CALN1: variants seen among roughly 807,000 people sequenced by gnomAD.
CALN1 encodes calneuron 1.
In CALN1, 17 loss-of-function variants were observed where a neutral mutation model predicts 30.6. That is an observed-to-expected ratio of 0.56 (90% CI 0.38 to 0.83). The LOEUF (loss-of-function observed/expected upper bound fraction) is 0.83, where lower values mean the gene tolerates loss of function less well. Ranked by LOEUF, CALN1 falls within the 40% of genes least tolerant of loss-of-function variation. The probability of loss-of-function intolerance (pLI) is 0.00; values close to 1 mark genes in which losing one functional copy is unlikely to be tolerated. For missense variants in CALN1, 291 were observed against 354.9 expected, an observed-to-expected ratio of 0.82 and a Z score of 1.45; for synonymous variants, 156 against 131.4, an observed-to-expected ratio of 1.19 and a Z score of -1.28.
At chr7:72,101,823 G>A (rs1318908657) in intron 4 of CALN1, among the ~76,000 whole-genome samples, 2 of 151,992 alleles carry the variant, frequency 1.3e-5, no homozygotes, top group Non-Finnish European at 2.9e-5. Flanking sequence ...TGCTCAACCT[G>A]GGCACGCCAA....
chr7:72,319,542 A>G (rs1407033574), intron 2 of CALN1, among the ~76,000 whole-genome samples: 3 of 152,224 alleles, frequency 2.0e-5, no homozygotes, highest in African/African-American at 7.2e-5. Context: ...CAGCCAAACC[A>G]TATCATATAC....
At chr7:72,396,246 A>G (rs1309790479) in intron 2 of CALN1, among the ~76,000 whole-genome samples, 1 of 99,192 alleles carries the variant, frequency 1.0e-5, no homozygotes, top group African/African-American at 5.9e-5. Flanking sequence ...AAAAAAAAAA[A>G]AAAAAAAAAA....
At chr7:71,915,960 C>T (rs112164399) in intron 5 of CALN1, among the ~76,000 whole-genome samples, 59 of 152,276 alleles carry the variant, frequency 3.9e-4, no homozygotes, top group Middle Eastern at 3.4e-3. Context: ...CAAGCCCCAC[C>T]GTTTCTGGAA....
chr7:72,298,379 A>G (rs1799014275), intron 2 of CALN1, among the ~76,000 whole-genome samples: 1 of 152,216 alleles, frequency 6.6e-6, no homozygotes, highest in African/African-American at 2.4e-5. Context: ...AGAGATCTAC[A>G]TTTTAAATTG....
At chr7:72,076,611 C>CAAAAAAAAAAAAAAAAA (rs572245834) in intron 4 of CALN1, among the ~76,000 whole-genome samples, 149 of 6,126 alleles carry the variant, frequency 0.024, 71 homozygotes, top group Admixed American at 0.036. Flanking sequence ...AAAAAAAAAG[C>CAAAAAAAAAAAAAAAAA]AAAAAAAAAA....
chr7:71,825,871 A>G (rs1788879267), intron 5 of CALN1, among the ~76,000 whole-genome samples: 2 of 151,850 alleles, frequency 1.3e-5, no homozygotes, highest in African/African-American at 4.8e-5. Flanking sequence ...TGTTTCTACT[A>G]AAAATACAAA....
rs373298969 is a variant in CALN1 at position 71,954,598 on chromosome 7, G to A, written c.501+69059C>T. ...GCCTGGGAGGCCATGGCTCCAGTGA[G>A]CTGTGATCACGCCACTGTACTCCAG... On this transcript the variant is annotated intron_variant, in intron 5 of 6. Transcript: ENST00000395275. 8.5e-5 allele frequency among the ~76,000 whole-genome samples: 13 copies of A among 152,388 alleles called. No homozygotes were observed. In the East Asian group the frequency reaches 2.1e-3, roughly 25 times the overall value.
rs563782587 is a variant in CALN1, at chr7:72,349,182, A to G, written c.119+54069T>C. On this transcript the variant is annotated intron_variant, in intron 2 of 6. Coordinates refer to ENST00000395275, the MANE Select transcript of CALN1 (RefSeq NM_031468.4). ...AGAATGCTGGCTAAAAAAATCTTAAAATCTTTGATGGCAGGTGGGACAATA... is the reference window on the plus strand; with the variant it reads ...AGAATGCTGGCTAAAAAAATCTTAAGATCTTTGATGGCAGGTGGGACAATA... 3.3e-5 allele frequency among the ~76,000 whole-genome samples: 5 copies of G among 152,236 alleles called. No individual in the cohort carries two copies. The South Asian group carries it at 1.0e-3, about 32-fold the overall frequency.
chr7:71,865,156 G>A (rs1554359865), intron 5 of CALN1, among the ~76,000 whole-genome samples: 2 of 152,206 alleles, frequency 1.3e-5, no homozygotes, highest in Non-Finnish European at 1.5e-5. Flanking sequence ...TTCTCACGGT[G>A]AACTGTAATC....
chr7:71,942,181 G>C (rs528360027), intron 5 of CALN1: 1 of 163,312 alleles, frequency 6.1e-6, no homozygotes, highest in East Asian at 1.8e-4. Context: ...CTGGGAGACA[G>C]AGCAAGTCTC....
intron 4 of CALN1, among the ~76,000 whole-genome samples, chr7:72,041,098 A>G (rs908508886): frequency 6.6e-6 from 1 of 152,156 alleles, no homozygotes; most frequent in Admixed American, 6.5e-5. Flanking sequence ...AATTGAGGCA[A>G]AAGAGTGCCC....
rs544504707 is a variant in CALN1 at position 72,079,581 on chromosome 7, A to G, written c.388+26570T>C. Among the ~76,000 whole-genome samples the G allele has an allele frequency of 5.3e-5, 8 of 152,114 alleles. No homozygotes were observed. The East Asian group carries it at 1.6e-3, about 29-fold the overall frequency. ...CCAACCTAATAAATGCTGAAACTTA[A>G]TGAAGGTTAAGTGAAGACTGGCTAC... On this transcript the variant is annotated intron_variant, in intron 4 of 6. Transcript: ENST00000395275.
At chr7:72,023,016 A>G (rs930218893) in intron 5 of CALN1, among the ~76,000 whole-genome samples, 1 of 152,062 alleles carries the variant, frequency 6.6e-6, no homozygotes, top group Non-Finnish European at 1.5e-5. Context: ...TTAATTTGAC[A>G]GACAACTTAC....
chr7:71,808,787 G>A (rs150851830), intron 6 of CALN1, among the ~76,000 whole-genome samples: 154 of 152,222 alleles, frequency 1.0e-3, no homozygotes, highest in African/African-American at 3.5e-3. Context: ...GCAGTAGAGC[G>A]CTTGAGCCCC....
At chr7:72,080,212 T>TC (rs1490290169) in intron 4 of CALN1, among the ~76,000 whole-genome samples, 2 of 152,290 alleles carry the variant, frequency 1.3e-5, no homozygotes, top group East Asian at 3.9e-4. Flanking sequence ...TTCATTTTTT[T>TC]CCCCACCACT....
At chr7:72,293,676 C>G (rs528068642) in intron 2 of CALN1, among the ~76,000 whole-genome samples, 19 of 152,278 alleles carry the variant, frequency 1.2e-4, no homozygotes, top group African/African-American at 4.1e-4. Flanking sequence ...CTATTTTATT[C>G]TGCATTTCTA....
chr7:71,923,396 T>C (rs1036253752), intron 5 of CALN1, among the ~76,000 whole-genome samples: 2 of 152,172 alleles, frequency 1.3e-5, no homozygotes, highest in African/African-American at 4.8e-5. Context: ...TGCATTTTAT[T>C]TGGGAAATGG....
At chr7:71,950,966 C>G (rs536394615) in intron 5 of CALN1, among the ~76,000 whole-genome samples, 49 of 152,322 alleles carry the variant, frequency 3.2e-4, no homozygotes, top group African/African-American at 1.1e-3. Context: ...CCTGCCCTAA[C>G]CAGGCATTCC....
chr7:72,080,804 C>T (rs1805084824), intron 4 of CALN1, among the ~76,000 whole-genome samples: 1 of 152,168 alleles, frequency 6.6e-6, no homozygotes. Flanking sequence ...CAGCAAACCA[C>T]TCTTTTACTA....
Sources: allele counts gnomAD v4.1 joint callset (sites outside exome capture counted in the v4.1 genomes callset), GRCh38; gene constraint gnomAD v4.1.1; transcripts MANE v1.5; gene names NCBI Gene and HGNC (gene_info 2026-07-23, HGNC 2026-07-21).